Variants in KLHL28 observed in about 807,000 individuals in gnomAD.
The protein encoded by KLHL28 is kelch-like protein 28.
KLHL28 carries 22 observed loss-of-function variants against 48.3 expected under a neutral mutation model. That is an observed-to-expected ratio of 0.46 (90% CI 0.33 to 0.65). The LOEUF is 0.65. KLHL28 is among the 30% of genes least tolerant of loss of function. KLHL28 has a pLI of 0.03. For missense variants in KLHL28, 527 were observed against 704.3 expected, an observed-to-expected ratio of 0.75 and a Z score of 2.85; for synonymous variants, 243 against 242.4, an observed-to-expected ratio of 1.00 and a Z score of -0.02.
chr14:44,952,743 A>G (rs1358504969), intron 1 of KLHL28, among the ~76,000 whole-genome samples: 1 of 151,974 alleles, frequency 6.6e-6, no homozygotes, highest in African/African-American at 2.4e-5. Flanking sequence ...AACTGTGACT[A>G]TATTTGGTTC....
intron 1 of KLHL28, chr14:44,961,202 T>C (rs1366812939): frequency 7.0e-6 from 2 of 284,868 alleles, no homozygotes; most frequent in East Asian, 6.1e-5. Flanking sequence ...GCCAAGAACT[T>C]CCACCGCAAG....
intron 2 of KLHL28, among the ~76,000 whole-genome samples, chr14:44,937,286 C>T (rs1341861360): frequency 1.3e-5 from 2 of 151,868 alleles, no homozygotes; most frequent in African/African-American, 4.8e-5. Context: ...GCTGGGATTA[C>T]AGGCATGCAC....
Position 44,945,737 on chromosome 14 carries a change from G to A in KLHL28, c.192C>T (p.Phe64=). 6.2e-7 allele frequency: 1 copy of A among 1,614,136 alleles called. No homozygotes were observed. The highest frequency in any genetic ancestry group is 8.5e-7 in the Non-Finnish European group (1 of 1,180,014). Residue 64 remains phenylalanine (F), a synonymous_variant, in exon 2 of 5, where the codon TTC becomes TTT. Coordinates refer to ENST00000396128, the MANE Select transcript of KLHL28 (RefSeq NM_017658.5). ...ASVSPYFKAM[F]TGNLSEKENS... ...TCTCTTTTTCAGAAAGGTTTCCAGT[G>A]AACATAGCTTTGAAATACGGGCTGA...
intron 1 of KLHL28, chr14:44,961,196 A>G (rs1885070075): frequency 3.4e-6 from 1 of 295,624 alleles, no homozygotes; most frequent in Non-Finnish European, 6.3e-6. Flanking sequence ...CATGATGCCA[A>G]GAACTTCCAC....
At chr14:44,929,916 T>C (rs545717189) in intron 4 of KLHL28, among the ~76,000 whole-genome samples, 12 of 152,328 alleles carry the variant, frequency 7.9e-5, no homozygotes, top group Non-Finnish European at 1.8e-4. Flanking sequence ...AAATGGAGTA[T>C]ATATCTTTCC....
intron 1 of KLHL28, among the ~76,000 whole-genome samples, chr14:44,949,843 T>A (rs1303077119): frequency 6.6e-6 from 1 of 152,156 alleles, no homozygotes; most frequent in Non-Finnish European, 1.5e-5. Flanking sequence ...CATAAACTTA[T>A]GTGGGTTTAA....
At chr14:44,948,466 C>T (rs1884434978) in intron 1 of KLHL28, among the ~76,000 whole-genome samples, 1 of 152,050 alleles carries the variant, frequency 6.6e-6, no homozygotes, top group African/African-American at 2.4e-5. Flanking sequence ...TAATAGGTAC[C>T]AGCCTTTCTT....
chr14:44,961,010 A>T (rs1885055705), intron 1 of KLHL28: 8 of 801,510 alleles, frequency 1.0e-5, no homozygotes, highest in South Asian at 7.8e-5. Flanking sequence ...AAAAAAAAAA[A>T]ATATCTCTTC....
At chr14:44,935,505 A>C (rs192028771) in intron 2 of KLHL28, among the ~76,000 whole-genome samples, 1 of 152,162 alleles carries the variant, frequency 6.6e-6, no homozygotes, top group South Asian at 2.1e-4. Context: ...ACTATATAAC[A>C]TATCAATTAA....
intron 1 of KLHL28, among the ~76,000 whole-genome samples, chr14:44,948,191 C>G (rs1227437973): frequency 1.3e-5 from 2 of 152,148 alleles, no homozygotes; most frequent in Non-Finnish European, 2.9e-5. Flanking sequence ...CCTTCTCAAT[C>G]TTTGTTTTCC....
chr14:44,961,424 T>C (rs1885089620), intron 1 of KLHL28, among the ~76,000 whole-genome samples: 1 of 152,028 alleles, frequency 6.6e-6, no homozygotes, highest in South Asian at 2.1e-4. Flanking sequence ...TTCCATATTA[T>C]GTACGTTGTA....
At chr14:44,929,327 TAC>T in intron 4 of KLHL28, 136 bp from the exon 5 acceptor site, 1 of 773,864 alleles carries the variant, frequency 1.3e-6, no homozygotes. Context: ...ACAGGCAATA[TAC>T]AGTAGTCCTC....
At chr14:44,929,698 T>C (rs1426796547) in intron 4 of KLHL28, among the ~76,000 whole-genome samples, 2 of 152,136 alleles carry the variant, frequency 1.3e-5, no homozygotes, top group African/African-American at 4.8e-5. Context: ...ATCCTTATAA[T>C]AAAAGTAAGA....
At chr14:44,929,704 T>C (rs142562938) in intron 4 of KLHL28, among the ~76,000 whole-genome samples, 21 of 152,198 alleles carry the variant, frequency 1.4e-4, no homozygotes, top group Admixed American at 4.6e-4. Context: ...ATAATAAAAG[T>C]AAGAGTTACT....
At chr14:44,938,287 G>A (rs1883909549) in intron 2 of KLHL28, among the ~76,000 whole-genome samples, 2 of 152,014 alleles carry the variant, frequency 1.3e-5, no homozygotes, top group South Asian at 2.1e-4. Context: ...GCAGAGAATA[G>A]ATATTCTCCT....
intron 1 of KLHL28, among the ~76,000 whole-genome samples, chr14:44,959,831 G>T (rs951254779): frequency 3.9e-5 from 6 of 151,964 alleles, no homozygotes; most frequent in Non-Finnish European, 5.9e-5. Flanking sequence ...TCTAAAAATT[G>T]ATTACAAATT....
At chr14:44,942,843 C>T (rs1246702386) in intron 2 of KLHL28, among the ~76,000 whole-genome samples, 1 of 152,094 alleles carries the variant, frequency 6.6e-6, no homozygotes, top group South Asian at 2.1e-4. Flanking sequence ...CTATCTTGAT[C>T]GTTGCATAAA....
intron 1 of KLHL28, among the ~76,000 whole-genome samples, chr14:44,958,952 A>G (rs1219034322): frequency 6.6e-6 from 1 of 152,050 alleles, no homozygotes; most frequent in Non-Finnish European, 1.5e-5. Context: ...TCCTGTATAA[A>G]ATAAGCTCAT....
At chr14:44,946,808 G>A (rs113485366) in intron 1 of KLHL28, among the ~76,000 whole-genome samples, 8 of 152,162 alleles carry the variant, frequency 5.3e-5, no homozygotes, top group Non-Finnish European at 1.0e-4. Flanking sequence ...CACCTGCTTC[G>A]GCTTCTCAAA....
Sources: gnomAD v4.1 joint callset for allele counts (sites outside exome capture counted in the v4.1 genomes callset) on GRCh38, gnomAD v4.1.1 for gene constraint, MANE v1.5 for transcripts, NCBI Gene and HGNC (gene_info 2026-07-23, HGNC 2026-07-21) for gene names.